The following IGFL2 variants were observed in gnomAD, a reference collection of about 807,000 sequenced individuals.
IGFL2 encodes IGF like family member 2.
In IGFL2, 7 loss-of-function variants were observed where a neutral mutation model predicts 13.9. The observed-to-expected ratio is 0.51, with a 90% CI of 0.29 to 0.95. IGFL2 has a LOEUF of 0.95. Among genes scored for constraint, IGFL2 ranks in the 40% least tolerant of loss-of-function variants. The pLI is 0.08. For synonymous variants in IGFL2, 55 were observed against 55.8 expected (o/e 0.99, Z 0.07); for missense variants, 138 against 147.8 (o/e 0.93, Z 0.34).
the IGFL2 span, among the ~76,000 whole-genome samples, chr19:46,082,942 C>T: frequency 4.6e-5 from 7 of 152,236 alleles, no homozygotes; most frequent in East Asian, 1.4e-3. Flanking sequence ...CCATGGGTGA[C>T]ATCTCCAGAA....
At chr19:46,149,044 A>G (rs1329309617) in intron 1 of IGFL2, 1 of 1,602,422 alleles carries the variant, frequency 6.2e-7, no homozygotes, top group Non-Finnish European at 8.5e-7. Flanking sequence ...CTGGGTAAGT[A>G]AGGGCAGCCC....
chr19:46,191,936 T>C, the IGFL2 span, among the ~76,000 whole-genome samples: 1 of 152,236 alleles, frequency 6.6e-6, no homozygotes, highest in Non-Finnish European at 1.5e-5. Context: ...ATTCATACTT[T>C]TCTTCTTGGC....
the IGFL2 span, among the ~76,000 whole-genome samples, chr19:46,112,495 G>C: frequency 6.6e-6 from 1 of 152,212 alleles, no homozygotes; most frequent in East Asian, 1.9e-4. Context: ...TGCTGTGTTT[G>C]GATGTGATAC....
intron 1 of IGFL2, among the ~76,000 whole-genome samples, chr19:46,158,608 A>G (rs989088415): frequency 2.6e-5 from 4 of 152,230 alleles, no homozygotes; most frequent in Non-Finnish European, 5.9e-5. Flanking sequence ...CAGAGGAACT[A>G]GAATAGCTAA....
the IGFL2 span, among the ~76,000 whole-genome samples, chr19:46,129,577 T>G: frequency 6.6e-6 from 1 of 152,180 alleles, no homozygotes; most frequent in Non-Finnish European, 1.5e-5. Flanking sequence ...TCTCATTGGT[T>G]TCAAATAGCT....
At chr19:46,151,567 T>G (rs1228916270) in intron 1 of IGFL2, among the ~76,000 whole-genome samples, 1 of 152,182 alleles carries the variant, frequency 6.6e-6, no homozygotes, top group African/African-American at 2.4e-5. Context: ...GTTTTAGTTA[T>G]TCTCGGTCCT....
At chr19:46,099,217 G>C in the IGFL2 span, among the ~76,000 whole-genome samples, 253 of 152,286 alleles carry the variant, frequency 1.7e-3, no homozygotes, top group African/African-American at 5.8e-3. Context: ...GCTTCCCTTT[G>C]TAGGTGACCT....
chr19:46,204,629 A>T, the IGFL2 span, among the ~76,000 whole-genome samples: 1 of 152,154 alleles, frequency 6.6e-6, no homozygotes, highest in Admixed American at 6.5e-5. Flanking sequence ...CAGCTTTGGG[A>T]TGTGGAATGC....
At chr19:46,176,574 A>G in the IGFL2 span, among the ~76,000 whole-genome samples, 6 of 152,164 alleles carry the variant, frequency 3.9e-5, no homozygotes, top group African/African-American at 1.4e-4. Flanking sequence ...TTGCTGCAGA[A>G]AGGGAGCCCT....
intron 1 of IGFL2, among the ~76,000 whole-genome samples, chr19:46,153,094 A>G (rs1973596021): frequency 6.6e-6 from 1 of 152,042 alleles, no homozygotes; most frequent in African/African-American, 2.4e-5. Flanking sequence ...GGATTTTTGA[A>G]CTTATATTCA....
the IGFL2 span, among the ~76,000 whole-genome samples, chr19:46,080,870 C>T: frequency 6.6e-6 from 1 of 152,254 alleles, no homozygotes; most frequent in African/African-American, 2.4e-5. Context: ...TGAGTGGGAG[C>T]AGTGCCTGCT....
chr19:46,142,790 C>T (rs1192731530), upstream of IGFL2, among the ~76,000 whole-genome samples: 3 of 152,180 alleles, frequency 2.0e-5, no homozygotes, highest in Non-Finnish European at 1.5e-5. Context: ...CATCCTTTTG[C>T]GTGTACTTCT....
upstream of IGFL2, chr19:46,143,127 C>T (rs1000335696): frequency 2.0e-5 from 3 of 152,376 alleles, no homozygotes; most frequent in African/African-American, 4.8e-5. Context: ...GACAGCAAGA[C>T]CAATGCTTCT....
chr19:46,108,569 G>C, the IGFL2 span, among the ~76,000 whole-genome samples: 7 of 152,150 alleles, frequency 4.6e-5, no homozygotes, highest in Non-Finnish European at 8.8e-5. Context: ...TAGTGAAGGA[G>C]GCAAGCCCAG....
intron 1 of IGFL2, among the ~76,000 whole-genome samples, chr19:46,157,229 T>A (rs2146871898): frequency 6.6e-6 from 1 of 152,260 alleles, no homozygotes; most frequent in East Asian, 1.9e-4. Flanking sequence ...CTGCACAATC[T>A]CATCCAGAGA....
intron 1 of IGFL2, among the ~76,000 whole-genome samples, chr19:46,156,101 G>A (rs1379883428): frequency 4.6e-5 from 7 of 152,156 alleles, no homozygotes; most frequent in Admixed American, 1.3e-4. Context: ...ACAGGTGTGA[G>A]CCACCGTGCC....
chr19:46,081,552 G>T, the IGFL2 span, among the ~76,000 whole-genome samples: 1 of 152,118 alleles, frequency 6.6e-6, no homozygotes, highest in African/African-American at 2.4e-5. Context: ...TTCTAGGATA[G>T]TTCTTCCTTA....
the IGFL2 span, among the ~76,000 whole-genome samples, chr19:46,118,063 A>AG: frequency 6.6e-6 from 1 of 152,194 alleles, no homozygotes; most frequent in African/African-American, 2.4e-5. Context: ...CCACAGCCCT[A>AG]GGGTGGGCAT....
chr19:46,149,015 C>CGACT (rs752612793), intron 1 of IGFL2: 87 of 1,604,992 alleles, frequency 5.4e-5, no homozygotes, highest in Non-Finnish European at 6.8e-5. Context: ...GCATGAGGAC[C>CGACT]GACTACCCCA....
Sources: allele counts gnomAD v4.1 joint callset (sites outside exome capture counted in the v4.1 genomes callset), GRCh38; gene constraint gnomAD v4.1.1; transcripts MANE v1.5; gene names NCBI Gene and HGNC (gene_info 2026-07-23, HGNC 2026-07-21).